RUNDC3B: variants seen among roughly 807,000 people sequenced by gnomAD.
RUNDC3B encodes the protein RUN domain containing 3B, also known as RUN domain-containing protein 3B.
In RUNDC3B, 33 loss-of-function variants were observed where a neutral mutation model predicts 58.4. The ratio of observed to expected loss-of-function variants is 0.56; its 90% CI spans 0.43 to 0.75. The LOEUF is 0.75. RUNDC3B is among the 30% of genes least tolerant of loss of function. The pLI, the probability that RUNDC3B is intolerant of heterozygous loss-of-function variation, is 0.00. For missense variants in RUNDC3B, 501 were observed against 535.7 expected (o/e 0.94, Z 0.64); for synonymous variants, 193 against 195.2 (o/e 0.99, Z 0.10).
chr7:87,728,589 T>C (rs1379861553), intron 4 of RUNDC3B, among the ~76,000 whole-genome samples: 8 of 152,206 alleles, frequency 5.3e-5, no homozygotes, highest in African/African-American at 9.6e-5. Flanking sequence ...CTGCCTCTTT[T>C]GTCACATCTT....
At chr7:87,728,232 A>G (rs1831362174) in intron 4 of RUNDC3B, among the ~76,000 whole-genome samples, 1 of 152,166 alleles carries the variant, frequency 6.6e-6, no homozygotes, top group African/African-American at 2.4e-5. Context: ...TTTGATTTAT[A>G]CAAATCTCTT....
At chr7:87,770,535 G>C in intron 6 of RUNDC3B, 46 bp from the exon 7 acceptor site, 1 of 1,476,620 alleles carries the variant, frequency 6.8e-7, no homozygotes, top group South Asian at 1.2e-5. Flanking sequence ...TAAGAATCAA[G>C]TTGGAACATA....
chr7:87,804,168 C>A (rs1836315716), intron 8 of RUNDC3B, among the ~76,000 whole-genome samples: 1 of 152,046 alleles, frequency 6.6e-6, no homozygotes, highest in Non-Finnish European at 1.5e-5. Context: ...CCAAAAGAAC[C>A]TTGGAAGATG....
chr7:87,642,182 C>CAT (rs992802233), intron 1 of RUNDC3B, among the ~76,000 whole-genome samples: 6 of 151,632 alleles, frequency 4.0e-5, no homozygotes, highest in Admixed American at 6.6e-5. Context: ...GGTTTCAAAA[C>CAT]ATATATATAT....
chr7:87,797,100 T>C (rs766465259), intron 8 of RUNDC3B, among the ~76,000 whole-genome samples: 6 of 152,148 alleles, frequency 3.9e-5, no homozygotes, highest in Non-Finnish European at 7.4e-5. Context: ...TGTAATTTTG[T>C]GACAGTAACG....
chr7:87,788,716 T>C (rs1043673267), intron 8 of RUNDC3B, among the ~76,000 whole-genome samples: 3 of 151,472 alleles, frequency 2.0e-5, no homozygotes, highest in Admixed American at 6.6e-5. Flanking sequence ...TTTTTTTTTT[T>C]TTTTCTTTTC....
chr7:87,793,708 C>T (rs1438862998), intron 8 of RUNDC3B, among the ~76,000 whole-genome samples: 1 of 151,986 alleles, frequency 6.6e-6, no homozygotes, highest in African/African-American at 2.4e-5. Flanking sequence ...AAGCTATATA[C>T]AACATATCCA....
chr7:87,697,490 A>T (rs1034898551), intron 2 of RUNDC3B, among the ~76,000 whole-genome samples: 10 of 152,226 alleles, frequency 6.6e-5, no homozygotes, highest in Non-Finnish European at 1.5e-4. Flanking sequence ...TAACTTTAGA[A>T]TGGTTGATGA....
intron 9 of RUNDC3B, among the ~76,000 whole-genome samples, chr7:87,811,500 A>T (rs967034847): frequency 7.9e-5 from 12 of 151,582 alleles, no homozygotes; most frequent in Admixed American, 2.6e-4. Context: ...TACCCAGCTA[A>T]TTTTTTTTGT....
At chr7:87,774,574 A>T (rs1834513776) in intron 7 of RUNDC3B, among the ~76,000 whole-genome samples, 1 of 152,184 alleles carries the variant, frequency 6.6e-6, no homozygotes, top group Non-Finnish European at 1.5e-5. Flanking sequence ...AATAATTATT[A>T]GAGAATATTT....
At chr7:87,691,654 T>G (rs1285100483) in intron 2 of RUNDC3B, among the ~76,000 whole-genome samples, 5 of 152,218 alleles carry the variant, frequency 3.3e-5, no homozygotes, top group African/African-American at 1.2e-4. Context: ...GCACTTCTAC[T>G]TCCTAAGGAT....
intron 2 of RUNDC3B, among the ~76,000 whole-genome samples, chr7:87,679,205 G>A (rs1017110958): frequency 2.1e-5 from 3 of 143,946 alleles, no homozygotes; most frequent in African/African-American, 7.9e-5. Flanking sequence ...CCATTCTCCT[G>A]CCTCAGCCTC....
chr7:87,823,791 TACACACACACACAC>T (rs113441553), intron 10 of RUNDC3B, among the ~76,000 whole-genome samples: 3 of 143,784 alleles, frequency 2.1e-5, no homozygotes, highest in Non-Finnish European at 4.6e-5. Context: ...TTCATATATA[TACACACACACACAC>T]ACACACACAC....
chr7:87,681,599 A>G lies in RUNDC3B; in HGVS notation c.239-18822A>G, dbSNP rs548943905. On this transcript the variant is annotated intron_variant, in intron 2 of 10. Transcript: ENST00000394654. ...TTTACTGCTAAAAATGCTAACAATC[A>G]TCTGAGCCTTCAGCAAGTCATTACC... Among the ~76,000 whole-genome samples the G allele has an allele frequency of 2.7e-5, 4 of 150,856 alleles. No individual in the cohort carries two copies. The East Asian group carries it at 7.9e-4, about 30-fold the overall frequency.
intron 2 of RUNDC3B, among the ~76,000 whole-genome samples, chr7:87,687,928 T>A (rs2130628067): frequency 6.6e-6 from 1 of 152,312 alleles, no homozygotes; most frequent in East Asian, 1.9e-4. Flanking sequence ...TGAGTTTTCT[T>A]TGTTCATTTT....
At chr7:87,715,425 T>TATATAATTATATTAATATA (rs1452691018) in intron 4 of RUNDC3B, among the ~76,000 whole-genome samples, 1 of 129,960 alleles carries the variant, frequency 7.7e-6, no homozygotes, top group African/African-American at 2.9e-5. Context: ...ATATATTTAA[T>TATATAATTATATTAATATA]ATATAATTAT....
chr7:87,777,275 G>A (rs919330250), intron 7 of RUNDC3B, among the ~76,000 whole-genome samples: 3 of 152,170 alleles, frequency 2.0e-5, no homozygotes, highest in African/African-American at 7.2e-5. Context: ...GATGGGTCCT[G>A]CTTTTTTAGA....
intron 1 of RUNDC3B, among the ~76,000 whole-genome samples, chr7:87,643,822 C>T (rs953431253): frequency 3.3e-5 from 5 of 151,918 alleles, no homozygotes; most frequent in African/African-American, 4.8e-5. Flanking sequence ...CCACCACGCC[C>T]GGCCAAGAAT....
At position 87,628,514 on chromosome 7, in the gene RUNDC3B, G is replaced by T. The variant is rs1459484801; in HGVS notation, c.-310G>T. On this transcript the variant is annotated 5_prime_UTR_variant, in exon 1 of 11. Transcript: ENST00000394654. Reference sequence around the variant, plus strand: ...GAGGTCCCTCGGGAAGGAGGAGAGCGCCTGACGCCGACCCGCAGGCGCAGC... The same window carrying T: ...GAGGTCCCTCGGGAAGGAGGAGAGCTCCTGACGCCGACCCGCAGGCGCAGC... 5 of 253,308 alleles carry T rather than the reference G, an allele frequency of 2.0e-5. No homozygotes were observed. In the East Asian group the frequency reaches 2.8e-4, roughly 14 times the overall value. The allele number at this position is 253,308 out of a possible 1,614,324, so 15.7% of individuals were successfully genotyped here.
Sources: gnomAD v4.1 joint callset for allele counts (sites outside exome capture counted in the v4.1 genomes callset) on GRCh38, gnomAD v4.1.1 for gene constraint, MANE v1.5 for transcripts, NCBI Gene and HGNC (gene_info 2026-07-23, HGNC 2026-07-21) for gene names.